The following KYNU variants were observed in gnomAD, a reference collection of about 807,000 sequenced individuals.
The protein encoded by KYNU is kynureninase, also known as L-kynurenine hydrolase.
In KYNU, 54 loss-of-function variants were observed where a neutral mutation model predicts 59.2. The ratio of observed to expected loss-of-function variants is 0.91; its 90% CI spans 0.73 to 1.14. The LOEUF is 1.14. Among genes scored for constraint, KYNU ranks in the 50% most tolerant of loss-of-function variants. KYNU has a pLI of 0.00. For missense variants in KYNU, 567 were observed against 554.4 expected (o/e 1.02, Z -0.23); for synonymous variants, 177 against 192.0 (o/e 0.92, Z 0.65).
At chr2:142,973,420 A>G (rs745473219) in intron 8 of KYNU, among the ~76,000 whole-genome samples, 8 of 152,130 alleles carry the variant, frequency 5.3e-5, no homozygotes, top group Non-Finnish European at 1.0e-4. Context: ...AATTACCCTC[A>G]TATAGGGAAG....
At chr2:142,920,961 A>T (rs1269292131) in intron 3 of KYNU, among the ~76,000 whole-genome samples, 1 of 152,138 alleles carries the variant, frequency 6.6e-6, no homozygotes, top group Non-Finnish European at 1.5e-5. Context: ...CCCACTTCTG[A>T]TGTTTTCCAG....
At chr2:142,880,156 A>G (rs901977712) in intron 1 of KYNU, among the ~76,000 whole-genome samples, 3 of 152,210 alleles carry the variant, frequency 2.0e-5, no homozygotes, top group Non-Finnish European at 2.9e-5. Context: ...TGAGATGTCT[A>G]TAAAGATAAA....
rs369409153 is a variant in KYNU at position 142,944,921 on chromosome 2, T to C, written c.374-9889T>C. Reference sequence around the variant, plus strand: ...CAAAAGTTATGTTTACACTATACTGTAGTCTATTAAGTATGCAATAGCATT... The same window carrying C: ...CAAAAGTTATGTTTACACTATACTGCAGTCTATTAAGTATGCAATAGCATT... On this transcript the variant is annotated intron_variant, in intron 4 of 13. Coordinates refer to ENST00000264170, the MANE Select transcript of KYNU (RefSeq NM_003937.3). Among the ~76,000 whole-genome samples, 8 of 152,334 alleles carry C rather than the reference T, an allele frequency of 5.3e-5. No individual in the cohort carries two copies. The East Asian group carries it at 1.2e-3, about 22-fold the overall frequency.
rs114584745 is a variant in KYNU, at chr2:142,879,526, C to T, written c.-20+1790C>T. On this transcript the variant is annotated intron_variant, in intron 1 of 13. Coordinates refer to ENST00000264170, the MANE Select transcript of KYNU (RefSeq NM_003937.3). ...GGAATGAGCTGAAGAAATACACACA[C>T]GTACACACACACATCAGGAAGCAAC... The T allele has an allele frequency of 8.1e-3, 1,237 of 152,394 alleles. 11 individuals carry two copies. The highest frequency in any genetic ancestry group is 0.014 in the Non-Finnish European group (940 of 68,158). 9.4% of individuals were successfully genotyped at this position (152,394 alleles called of 1,614,324 possible). A position where few individuals can be genotyped will look rare whatever the true frequency, so the allele number is the denominator to read the frequency against.
chr2:143,038,702 T>C (rs1211192516), intron 12 of KYNU, among the ~76,000 whole-genome samples: 1 of 152,108 alleles, frequency 6.6e-6, no homozygotes, highest in African/African-American at 2.4e-5. Flanking sequence ...TCAGTACAGT[T>C]CCCAGCCTCT....
chr2:142,949,103 C>T (rs953065088), intron 4 of KYNU, among the ~76,000 whole-genome samples: 2 of 152,192 alleles, frequency 1.3e-5, no homozygotes, highest in African/African-American at 2.4e-5. Flanking sequence ...TTCCATGTCT[C>T]GCATCTGGGT....
chr2:143,014,706 T>C (rs999335996), intron 10 of KYNU, among the ~76,000 whole-genome samples: 1 of 152,230 alleles, frequency 6.6e-6, no homozygotes. Flanking sequence ...GGAGACCATT[T>C]ATAAATGATG....
At chr2:143,028,327 C>A (rs1441660872) in intron 10 of KYNU, among the ~76,000 whole-genome samples, 2 of 146,848 alleles carry the variant, frequency 1.4e-5, no homozygotes, top group Non-Finnish European at 3.0e-5. Context: ...CTCACTGCAA[C>A]CTCCCCCTCT....
intron 4 of KYNU, 66 bp downstream of exon 4, chr2:142,927,807 C>A: frequency 9.2e-7 from 1 of 1,087,806 alleles, no homozygotes; most frequent in Non-Finnish European, 1.4e-6. Context: ...GTTATAAACA[C>A]AGGCTCATAA....
chr2:142,941,447 G>A (rs898720927), intron 4 of KYNU, among the ~76,000 whole-genome samples: 5 of 152,160 alleles, frequency 3.3e-5, no homozygotes, highest in Admixed American at 3.3e-4. Context: ...AATATAATGT[G>A]GGATATAGAA....
Position 142,985,148 on chromosome 2 carries a change from G to C in KYNU, c.794G>C (p.Trp265Ser), listed in dbSNP as rs776207207. 1.1e-5 allele frequency: 17 copies of C among 1,610,830 alleles called. No homozygotes were observed. Among genetic ancestry groups the C allele is most frequent in the Non-Finnish European group, 1.4e-5 (17 of 1,177,544 alleles). ...AATGTTGAACTCTACTTACATGACT[G>C]GGGAGTTGATTTTGCCTGCTGGTGT... ...VGNVELYLHD[W>S]GVDFACWCSY... is the part of the protein sequence containing the mutation. Residue 265 changes from tryptophan (W) to serine (S), a missense_variant, in exon 9 of 14, where the codon TGG becomes TCG. Transcript: ENST00000264170.
intron 10 of KYNU, among the ~76,000 whole-genome samples, chr2:142,996,168 G>A (rs1685538971): frequency 6.6e-6 from 1 of 151,996 alleles, no homozygotes; most frequent in Admixed American, 6.6e-5. Context: ...CGGAATTGTA[G>A]TATGGTCGAG....
At chr2:143,015,935 C>T (rs963178727) in intron 10 of KYNU, among the ~76,000 whole-genome samples, 3 of 152,252 alleles carry the variant, frequency 2.0e-5, no homozygotes, top group African/African-American at 2.4e-5. Flanking sequence ...GGAGTAATGC[C>T]GGAGGCATGT....
intron 11 of KYNU, among the ~76,000 whole-genome samples, chr2:143,030,410 A>T (rs777205049): frequency 1.3e-5 from 2 of 152,094 alleles, no homozygotes; most frequent in Non-Finnish European, 2.9e-5. Flanking sequence ...TTCAACATAA[A>T]CTTGATCCTT....
intron 10 of KYNU, among the ~76,000 whole-genome samples, chr2:143,002,157 A>G (rs1685724221): frequency 6.6e-6 from 1 of 152,220 alleles, no homozygotes; most frequent in Admixed American, 6.5e-5. Flanking sequence ...AAGCTGGCGG[A>G]AATATATAAT....
chr2:142,948,514 T>G (rs1362235410), intron 4 of KYNU, among the ~76,000 whole-genome samples: 2 of 152,214 alleles, frequency 1.3e-5, no homozygotes, highest in Admixed American at 6.5e-5. Context: ...GGAAGCCTCA[T>G]GACAGTGGCA....
intron 10 of KYNU, among the ~76,000 whole-genome samples, chr2:143,020,568 G>T (rs1252168510): frequency 1.3e-5 from 2 of 152,140 alleles, no homozygotes; most frequent in Non-Finnish European, 2.9e-5. Flanking sequence ...CCTGGCAAAT[G>T]TTCTAAGTGC....
In KYNU at chr2:142,977,444, A is replaced by G. The variant is rs868782289; in HGVS notation, c.730-7640A>G. Among the ~76,000 whole-genome samples, 18 of 147,936 alleles carry G rather than the reference A, an allele frequency of 1.2e-4. 1 individual carries two copies. The highest frequency in any genetic ancestry group is 4.4e-4 in the South Asian group (2 of 4,504). On this transcript the variant is annotated intron_variant, in intron 8 of 13. Coordinates refer to ENST00000264170, the MANE Select transcript of KYNU (RefSeq NM_003937.3). Reference sequence around the variant, plus strand: ...TTAACTATAAGAGCCATAGGATTAAAATAAGTTGGAACAGTATTCTGGTTT... The same window carrying G: ...TTAACTATAAGAGCCATAGGATTAAGATAAGTTGGAACAGTATTCTGGTTT...
Position 143,053,044 on chromosome 2 carries a change from T to A in KYNU, c.*10872T>A, listed in dbSNP as rs935464266. ...ATCAGTGTGACCTGGATGTGAGACATGGAGTCAAAGGAGATCATTTTGGAG... is the reference window on the plus strand; with the variant it reads ...ATCAGTGTGACCTGGATGTGAGACAAGGAGTCAAAGGAGATCATTTTGGAG... On this transcript the variant is annotated 3_prime_UTR_variant, in exon 14 of 14. Coordinates refer to ENST00000264170, the MANE Select transcript of KYNU (RefSeq NM_003937.3). 16 of 152,520 alleles carry A rather than the reference T, an allele frequency of 1.0e-4. No homozygotes were observed. The highest frequency in any genetic ancestry group is 9.8e-4 in the Admixed American group (15 of 15,312). The allele number at this position is 152,520 out of a possible 1,614,324, so 9.4% of individuals were successfully genotyped here. A position where few individuals can be genotyped will look rare whatever the true frequency, so the allele number is the denominator to read the frequency against.
Sources: gnomAD v4.1 joint callset for allele counts (sites outside exome capture counted in the v4.1 genomes callset) on GRCh38, gnomAD v4.1.1 for gene constraint, MANE v1.5 for transcripts, NCBI Gene and HGNC (gene_info 2026-07-23, HGNC 2026-07-21) for gene names.